FAM25C: variants seen among roughly 807,000 people sequenced by gnomAD.
FAM25C encodes family with sequence similarity 25 member C.
FAM25C carries 4 observed loss-of-function variants against 9.6 expected under a neutral mutation model. The observed-to-expected ratio is 0.42, with a 90% CI of 0.20 to 0.95. The LOEUF is 0.95. FAM25C is among the 40% of genes least tolerant of loss of function. The pLI, the probability that FAM25C is intolerant of heterozygous loss-of-function variation, is 0.31. For synonymous variants in FAM25C, 23 were observed against 44.1 expected (o/e 0.52, Z 1.89); for missense variants, 38 against 110.4 (o/e 0.34, Z 2.94).
intron 2 of FAM25C, among the ~76,000 whole-genome samples, chr10:47,997,066 A>T (rs1555256582): frequency 7.0e-6 from 1 of 142,746 alleles, no homozygotes; most frequent in African/African-American, 2.6e-5. Flanking sequence ...TGATCCGCCC[A>T]CCTCAGCCTC....
chr10:47,997,114 C>T (rs1233406523), intron 2 of FAM25C, among the ~76,000 whole-genome samples: 1 of 146,934 alleles, frequency 6.8e-6, no homozygotes, highest in Admixed American at 6.8e-5. Flanking sequence ...CCACCGCCCC[C>T]AGCAATTTTT....
At chr10:47,996,768 C>T (rs1334300225) in intron 2 of FAM25C, among the ~76,000 whole-genome samples, 1 of 138,818 alleles carries the variant, frequency 7.2e-6, no homozygotes, top group Non-Finnish European at 1.5e-5. Flanking sequence ...CATAGTACTA[C>T]TCATAGCTCA....
At chr10:47,997,957 G>GC (rs1384941395) in intron 1 of FAM25C, among the ~76,000 whole-genome samples, 1 of 149,070 alleles carries the variant, frequency 6.7e-6, no homozygotes, top group African/African-American at 2.5e-5. Context: ...GCTCTGGGAT[G>GC]CCACCCCCAG....
At chr10:47,995,881 T>C (rs1334710935) in intron 2 of FAM25C, among the ~76,000 whole-genome samples, 6 of 116,464 alleles carry the variant, frequency 5.2e-5, no homozygotes, top group Non-Finnish European at 8.7e-5. Flanking sequence ...GGTTATAGTG[T>C]TTTTTTTTTT....
intron 1 of FAM25C, among the ~76,000 whole-genome samples, chr10:47,999,050 G>T: frequency 1.0e-5 from 1 of 97,248 alleles, no homozygotes; most frequent in Non-Finnish European, 2.7e-5. Context: ...TTTGAGACCA[G>T]CCTGGCCAAA....
At chr10:47,997,769 G>C (rs1206945843) in intron 1 of FAM25C, 30 bp from the exon 2 acceptor site, 2 of 1,531,888 alleles carry the variant, frequency 1.3e-6, no homozygotes, top group Non-Finnish European at 1.8e-6. Flanking sequence ...CCAGGGTGAG[G>C]GCTCAGAGCA....
chr10:47,996,866 G>C (rs3013923), intron 2 of FAM25C, among the ~76,000 whole-genome samples: 42 of 104,318 alleles, frequency 4.0e-4, no homozygotes, highest in African/African-American at 1.1e-3. Flanking sequence ...GAGTATCACA[G>C]TGTCGCCCAG....
chr10:47,997,032 C>T (rs1456676366), intron 2 of FAM25C, among the ~76,000 whole-genome samples: 3 of 147,392 alleles, frequency 2.0e-5, no homozygotes, highest in Non-Finnish European at 4.5e-5. Context: ...GGGGTTTCAC[C>T]GTGGTCTGGA....
chr10:47,997,754 C>G lies in FAM25C; in HGVS notation c.74-15G>C, dbSNP rs1488079374. 1.3e-6 allele frequency: 2 copies of G among 1,530,948 alleles called. No individual in the cohort carries two copies. The highest frequency in any genetic ancestry group is 1.8e-6 in the Non-Finnish European group (2 of 1,134,242). 94.8% of individuals were successfully genotyped at this position (1,530,948 alleles called of 1,614,324 possible). A position where few individuals can be genotyped will look rare whatever the true frequency, so the allele number is the denominator to read the frequency against. ...CACGGCATGAACTGAACAGAGGAGA[C>G]AAGTCCAGGGTGAGGGCTCAGAGCA... is the stretch of plus-strand genomic sequence containing the variant. On this transcript the variant is annotated splice_polypyrimidine_tract_variant and intron_variant, in intron 1 of 2. Transcript: ENST00000617224.
Position 47,996,920 on chromosome 10 carries a change from C to T in FAM25C, c.136+757G>A, listed in dbSNP as rs1842808969. 2.2e-5 allele frequency among the ~76,000 whole-genome samples: 3 copies of T among 137,780 alleles called. No individual in the cohort carries two copies. In the South Asian group the frequency reaches 7.3e-4, roughly 34 times the overall value. 90.4% of individuals were successfully genotyped at this position (137,780 alleles called of 152,430 possible). A position where few individuals can be genotyped will look rare whatever the true frequency, so the allele number is the denominator to read the frequency against. Reference sequence around the variant, plus strand: ...GATCTCGGCTCACTGCAAGCTCCACCTTCCAGGTTCACGCCATTCTCCTGC... The same window carrying T: ...GATCTCGGCTCACTGCAAGCTCCACTTTCCAGGTTCACGCCATTCTCCTGC... On this transcript the variant is annotated intron_variant, in intron 2 of 2. Transcript: ENST00000617224.
Position 47,995,371 on chromosome 10 carries a change from G to A in FAM25C, c.*7C>T, listed in dbSNP as rs1555256312. 6.7e-7 allele frequency: 1 copy of A among 1,497,692 alleles called. No individual in the cohort carries two copies. Among genetic ancestry groups the A allele is most frequent in the Admixed American group, 2.0e-5 (1 of 50,366 alleles). 92.8% of individuals were successfully genotyped at this position (1,497,692 alleles called of 1,614,324 possible). ...AGACTGGGGAAGGGCCGTGGTAGCA[G>A]GTGCACTCACTGTCCAAGTTTGTCC... is the stretch of plus-strand genomic sequence containing the variant. On this transcript the variant is annotated 3_prime_UTR_variant, in exon 3 of 3. Transcript: ENST00000617224.
At chr10:47,996,854 C>T (rs551204724) in intron 2 of FAM25C, among the ~76,000 whole-genome samples, 1 of 88,222 alleles carries the variant, frequency 1.1e-5, no homozygotes, top group Non-Finnish European at 1.9e-5. Context: ...TTTTTTGAGA[C>T]AGAGTATCAC....
Position 47,997,292 on chromosome 10 carries a change from G to C in FAM25C, c.136+385C>G, listed in dbSNP as rs1362267316. 5.4e-5 allele frequency among the ~76,000 whole-genome samples: 8 copies of C among 148,076 alleles called. 1 individual carries two copies. Among genetic ancestry groups the C allele is most frequent in the Non-Finnish European group, 1.2e-4 (8 of 66,880 alleles). On this transcript the variant is annotated intron_variant, in intron 2 of 2. Coordinates refer to ENST00000617224, the MANE Select transcript of FAM25C (RefSeq NM_001137548.3). ...CCCGGCTAATTTTTATGTATTTTTA[G>C]TAGAGACGGGGTTTCACCGTGTTAG...
intron 2 of FAM25C, among the ~76,000 whole-genome samples, chr10:47,996,820 A>ATTTTTTTTTTTTTTTT (rs60497249): frequency 5.3e-5 from 4 of 75,034 alleles, no homozygotes; most frequent in Non-Finnish European, 7.2e-5. Context: ...TTACATGTTA[A>ATTTTTTTTTTTTTTTT]TTTTTTTTTT....
chr10:47,995,324 C>T lies in FAM25C; in HGVS notation c.*54G>A. 1.6e-6 allele frequency: 2 copies of T among 1,274,402 alleles called. No homozygotes were observed. Among genetic ancestry groups the T allele is most frequent in the East Asian group, 5.0e-5 (2 of 40,044 alleles). 78.9% of individuals were successfully genotyped at this position (1,274,402 alleles called of 1,614,324 possible). On this transcript the variant is annotated 3_prime_UTR_variant, in exon 3 of 3. Transcript: ENST00000617224. ...GGGAATAAATCCAGCGCTCAATGTA[C>T]ACATGTCATGGCTTTTTATTGAGAC...
chr10:47,997,232 C>T (rs557090069), intron 2 of FAM25C, among the ~76,000 whole-genome samples: 1 of 149,076 alleles, frequency 6.7e-6, no homozygotes, highest in South Asian at 2.2e-4. Flanking sequence ...CCTCAGCCTC[C>T]CAAGTAGCTG....
At chr10:47,998,294 C>T (rs1193823434) in intron 1 of FAM25C, among the ~76,000 whole-genome samples, 1 of 149,038 alleles carries the variant, frequency 6.7e-6, no homozygotes, top group African/African-American at 2.5e-5. Flanking sequence ...CTGCCTACTT[C>T]AGAGTTTTTT....
chr10:47,997,149 C>A (rs1420998690), intron 2 of FAM25C, among the ~76,000 whole-genome samples: 3 of 144,014 alleles, frequency 2.1e-5, no homozygotes, highest in Non-Finnish European at 4.5e-5. Flanking sequence ...CGCTCTGTAG[C>A]CCAGGCTGGA....
chr10:47,997,264 A>G (rs1444151008), intron 2 of FAM25C, among the ~76,000 whole-genome samples: 11 of 144,254 alleles, frequency 7.6e-5, no homozygotes, highest in African/African-American at 2.3e-4. Context: ...ACCCACCACC[A>G]TGCCCGGCTA....
Sources: allele counts gnomAD v4.1 joint callset (sites outside exome capture counted in the v4.1 genomes callset), GRCh38; gene constraint gnomAD v4.1.1; transcripts MANE v1.5; gene names NCBI Gene and HGNC (gene_info 2026-07-23, HGNC 2026-07-21).